The following CCDC92 variants were observed in gnomAD, a reference collection of about 807,000 sequenced individuals.
CCDC92 encodes coiled-coil domain containing 92, also known as coiled-coil domain-containing protein 92.
CCDC92 carries 12 observed loss-of-function variants against 24.9 expected under a neutral mutation model. That is an observed-to-expected ratio of 0.48 (90% confidence interval 0.31 to 0.78). CCDC92 has a LOEUF of 0.78. Among genes scored for constraint, CCDC92 ranks in the 30% least tolerant of loss-of-function variants. The probability of loss-of-function intolerance (pLI) is 0.05; values close to 1 mark genes in which losing one functional copy is unlikely to be tolerated. For synonymous variants in CCDC92, 193 were observed against 196.3 expected (o/e 0.98, Z 0.14); for missense variants, 399 against 439.4 (o/e 0.91, Z 0.82).
intron 1 of CCDC92, among the ~76,000 whole-genome samples, chr12:123,964,870 T>A (rs1269326849): frequency 6.6e-6 from 1 of 152,242 alleles, no homozygotes; most frequent in Admixed American, 6.5e-5. Flanking sequence ...TAAATAACAA[T>A]TGCATTATTT....
At chr12:123,943,130 T>C (rs1955738619) in intron 3 of CCDC92, among the ~76,000 whole-genome samples, 1 of 152,244 alleles carries the variant, frequency 6.6e-6, no homozygotes, top group Non-Finnish European at 1.5e-5. Flanking sequence ...AACCATTGTA[T>C]TTTAATCTCT....
intron 1 of CCDC92, chr12:123,961,040 T>C (rs1956260589): frequency 6.6e-6 from 1 of 152,244 alleles, no homozygotes; most frequent in Non-Finnish European, 1.5e-5. Context: ...TGCTTACAAT[T>C]TACTTGGGGA....
chr12:123,947,055 G>A (rs996566143), intron 1 of CCDC92, among the ~76,000 whole-genome samples: 2 of 152,148 alleles, frequency 1.3e-5, no homozygotes, highest in African/African-American at 2.4e-5. Flanking sequence ...CCAGCGGGCC[G>A]GCCCTGCCAG....
At chr12:123,963,335 C>T (rs1414652253) in intron 1 of CCDC92, among the ~76,000 whole-genome samples, 1 of 152,194 alleles carries the variant, frequency 6.6e-6, no homozygotes, top group African/African-American at 2.4e-5. Context: ...CAAACTCTCA[C>T]CACATGCAGC....
intron 1 of CCDC92, chr12:123,961,192 A>G (rs1477018743): frequency 6.6e-6 from 1 of 152,254 alleles, no homozygotes; most frequent in Admixed American, 6.5e-5. Flanking sequence ...CTCTTCTCTT[A>G]TCTACCTGTC....
At chr12:123,945,417 C>T (rs1955815568) in intron 1 of CCDC92, 2 of 152,262 alleles carry the variant, frequency 1.3e-5, no homozygotes, top group African/African-American at 4.8e-5. Context: ...ACACTGTCTG[C>T]ACAGCACGTG....
chr12:123,952,818 T>A (rs943163855), intron 1 of CCDC92, among the ~76,000 whole-genome samples: 1 of 152,240 alleles, frequency 6.6e-6, no homozygotes, highest in Non-Finnish European at 1.5e-5. Flanking sequence ...CAATTATGTT[T>A]TAAAAAGATA....
intron 3 of CCDC92, 38 bp downstream of exon 3, chr12:123,943,309 G>C: frequency 6.2e-7 from 1 of 1,601,718 alleles, no homozygotes. Context: ...GTGCCCCATA[G>C]CCGCCCCCCG....
chr12:123,949,787 T>A (rs561242043), intron 1 of CCDC92, among the ~76,000 whole-genome samples: 119 of 152,388 alleles, frequency 7.8e-4, no homozygotes, highest in African/African-American at 2.7e-3. Flanking sequence ...GACAGCTTCC[T>A]GGATGGGGAA....
Position 123,935,790 on chromosome 12 carries a change from C to T in CCDC92, c.*1268G>A. ...AGGCAAAAGTGCCTGGCATACATAG[C>T]ATTGGCACAAGTGAGAATCCTAATG... On this transcript the variant is annotated 3_prime_UTR_variant, in exon 5 of 5. Transcript: ENST00000238156. 1 of 266,542 alleles carries T rather than the reference C, an allele frequency of 3.8e-6. No individual in the cohort carries two copies. The highest frequency in any genetic ancestry group is 2.2e-5 in the African/African-American group (1 of 45,984). 16.5% of individuals were successfully genotyped at this position (266,542 alleles called of 1,614,324 possible). A position where few individuals can be genotyped will look rare whatever the true frequency, so the allele number is the denominator to read the frequency against.
At chr12:123,958,214 C>T (rs1459540624) in intron 1 of CCDC92, among the ~76,000 whole-genome samples, 6 of 152,088 alleles carry the variant, frequency 3.9e-5, no homozygotes, top group East Asian at 3.9e-4. Flanking sequence ...ATACCATGCC[C>T]GGCTAATTTT....
At chr12:123,939,271 G>T (rs1414871785) in intron 4 of CCDC92, among the ~76,000 whole-genome samples, 1 of 152,112 alleles carries the variant, frequency 6.6e-6, no homozygotes, top group Admixed American at 6.5e-5. Context: ...TGTCTGTCTT[G>T]CTTTGAATTT....
intron 1 of CCDC92, among the ~76,000 whole-genome samples, chr12:123,951,816 AT>A (rs1179057076): frequency 2.6e-5 from 4 of 152,246 alleles, no homozygotes; most frequent in Non-Finnish European, 5.9e-5. Context: ...CAGTGATTAA[AT>A]GTAACAGGAG....
At chr12:123,953,315 G>C (rs1956071107) in intron 1 of CCDC92, among the ~76,000 whole-genome samples, 1 of 152,014 alleles carries the variant, frequency 6.6e-6, no homozygotes, top group Non-Finnish European at 1.5e-5. Context: ...TCTGTCAAGG[G>C]GCTAGCATGG....
At chr12:123,946,026 T>TCCATTTCCAG (rs150886168) in intron 1 of CCDC92, 1 of 17,210 alleles carries the variant, frequency 5.8e-5, no homozygotes, top group Non-Finnish European at 1.2e-4. Context: ...GCTGGCATCC[T>TCCATTTCCAG]GCTTTGAAAG....
At chr12:123,969,698 G>T (rs1431402706) in intron 1 of CCDC92, among the ~76,000 whole-genome samples, 1 of 151,858 alleles carries the variant, frequency 6.6e-6, no homozygotes, top group African/African-American at 2.4e-5. Context: ...TCTTGACCTC[G>T]TGATCTGCCC....
intron 1 of CCDC92, 42 bp from the exon 2 acceptor site, chr12:123,944,406 G>T: frequency 9.3e-7 from 1 of 1,079,808 alleles, no homozygotes; most frequent in South Asian, 1.9e-5. Flanking sequence ...AATTATTATT[G>T]TAAATACAGA....
Position 123,936,441 on chromosome 12 carries a change from T to TAAAC in CCDC92, c.*613_*616dup, listed in dbSNP as rs1029591302. 2.6e-5 allele frequency: 4 copies of TAAAC among 152,914 alleles called. No homozygotes were observed. The highest frequency in any genetic ancestry group is 7.2e-5 in the African/African-American group (3 of 41,464). 9.5% of individuals were successfully genotyped at this position (152,914 alleles called of 1,614,324 possible). A position where few individuals can be genotyped will look rare whatever the true frequency, so the allele number is the denominator to read the frequency against. On this transcript the variant is annotated 3_prime_UTR_variant, in exon 5 of 5. Transcript: ENST00000238156. ...TAGAAAATAAAGTTTGTTGGGATCTTAAACATTTTGGATAAAACTAACAAA... is the reference window on the plus strand; with the variant it reads ...TAGAAAATAAAGTTTGTTGGGATCTTAAACAAACATTTTGGATAAAACTAACAAA...
At chr12:123,946,020 G>GTATCCCCCGC (rs1955850810) in intron 1 of CCDC92, 2 of 159,036 alleles carry the variant, frequency 1.3e-5, no homozygotes, top group Non-Finnish European at 2.8e-5. Flanking sequence ...GATCTTGCTG[G>GTATCCCCCGC]CATCCTGCTT....
Sources: allele counts gnomAD v4.1 joint callset (sites outside exome capture counted in the v4.1 genomes callset), GRCh38; gene constraint gnomAD v4.1.1; transcripts MANE v1.5; gene names NCBI Gene and HGNC (gene_info 2026-07-23, HGNC 2026-07-21).